Variants in CSMD1 observed in about 807,000 individuals in gnomAD.
The protein encoded by CSMD1 is CUB and sushi domain-containing protein 1.
A neutral mutation model predicts 417.5 loss-of-function variants in CSMD1; 213 were observed. The ratio of observed to expected loss-of-function variants is 0.51; its 90% CI spans 0.46 to 0.57. The LOEUF (loss-of-function observed/expected upper bound fraction) is 0.57. Among genes scored for constraint, CSMD1 ranks in the 20% least tolerant of loss-of-function variants. CSMD1 has a pLI of 0.00. For missense variants in CSMD1, 6,923 were observed against 4,529.7 expected (o/e 1.53, Z -15.17); for synonymous variants, 2,862 against 1,736.8 (o/e 1.65, Z -16.11).
chr8:3,998,023 T>C lies in CSMD1; in HGVS notation c.698A>G (p.Asp233Gly), dbSNP rs1815355046. The C allele has an allele frequency of 1.9e-6, 3 of 1,606,604 alleles. No individual in the cohort carries two copies. Among genetic ancestry groups the C allele is most frequent in the Non-Finnish European group, 2.6e-6 (3 of 1,176,200 alleles). ...HFPSEYENNA[D>G]CTWTILAEPG... ...CTCAGCCAGAATGGTCCAGGTGCAGTCCGCGTTGTTCTCGTACTCTGAAGG... is the reference window on the plus strand; with the variant it reads ...CTCAGCCAGAATGGTCCAGGTGCAGCCCGCGTTGTTCTCGTACTCTGAAGG... Residue 233 changes from aspartate (D) to glycine (G), a missense_variant, in exon 5 of 70, where the codon GAC becomes GGC. Coordinates refer to ENST00000635120, the MANE Select transcript of CSMD1 (RefSeq NM_033225.6).
At chr8:3,176,835 G>C (rs995669649) in intron 37 of CSMD1, among the ~76,000 whole-genome samples, 2 of 150,200 alleles carry the variant, frequency 1.3e-5, no homozygotes, top group Non-Finnish European at 1.5e-5. Flanking sequence ...CTAAAGTGCA[G>C]TGGTGCAATC....
At chr8:4,257,660 T>C (rs528284432) in intron 3 of CSMD1, among the ~76,000 whole-genome samples, 4 of 152,328 alleles carry the variant, frequency 2.6e-5, no homozygotes, top group African/African-American at 7.2e-5. Context: ...GGTTACAGCA[T>C]AGGTCTCAGG....
chr8:3,581,074 A>C (rs567635009), intron 9 of CSMD1, among the ~76,000 whole-genome samples: 3 of 152,186 alleles, frequency 2.0e-5, no homozygotes, highest in Non-Finnish European at 4.4e-5. Context: ...CTCAGGGAGC[A>C]ACTCAAAATA....
At chr8:3,065,807 T>C (rs1812902295) in intron 49 of CSMD1, among the ~76,000 whole-genome samples, 1 of 152,086 alleles carries the variant, frequency 6.6e-6, no homozygotes, top group South Asian at 2.1e-4. Flanking sequence ...ATCAAAAGTA[T>C]TAACAAAGCT....
intron 3 of CSMD1, among the ~76,000 whole-genome samples, chr8:4,286,722 C>G (rs75846605): frequency 1.3e-5 from 2 of 152,176 alleles, no homozygotes; most frequent in Non-Finnish European, 1.5e-5. Flanking sequence ...GCAGCTCACA[C>G]GGTAGACTCC....
At chr8:3,834,005 T>C (rs2129089312) in intron 5 of CSMD1, among the ~76,000 whole-genome samples, 1 of 152,254 alleles carries the variant, frequency 6.6e-6, no homozygotes, top group South Asian at 2.1e-4. Context: ...TTCAGGTGAA[T>C]TAAGGATTTA....
chr8:3,173,159 T>C (rs532831693), intron 37 of CSMD1, among the ~76,000 whole-genome samples: 19 of 152,332 alleles, frequency 1.2e-4, no homozygotes, highest in Non-Finnish European at 2.5e-4. Context: ...ACCTGTCCCT[T>C]ACACTGAGTA....
intron 49 of CSMD1, among the ~76,000 whole-genome samples, chr8:3,061,338 A>G (rs1410948228): frequency 6.6e-6 from 1 of 152,224 alleles, no homozygotes; most frequent in Admixed American, 6.5e-5. Flanking sequence ...TTTCCTTCAG[A>G]TTTAATGTAA....
intron 5 of CSMD1, among the ~76,000 whole-genome samples, chr8:3,951,877 A>G (rs992165715): frequency 6.6e-6 from 1 of 152,084 alleles, no homozygotes; most frequent in Non-Finnish European, 1.5e-5. Context: ...ATTAAACTAC[A>G]TAAGCTATCC....
intron 3 of CSMD1, among the ~76,000 whole-genome samples, chr8:4,288,840 A>G (rs535418399): frequency 1.6e-4 from 25 of 152,220 alleles, no homozygotes; most frequent in Admixed American, 9.8e-4. Context: ...TAAAGCACTA[A>G]TATAGGATAC....
At chr8:3,492,862 G>A (rs776923946) in intron 11 of CSMD1, among the ~76,000 whole-genome samples, 6 of 151,566 alleles carry the variant, frequency 4.0e-5, no homozygotes, top group Non-Finnish European at 7.4e-5. Context: ...ACTTTATTAC[G>A]CAGTTTTACA....
intron 23 of CSMD1, among the ~76,000 whole-genome samples, chr8:3,311,175 G>A (rs1243532553): frequency 6.6e-6 from 1 of 152,158 alleles, no homozygotes; most frequent in East Asian, 1.9e-4. Flanking sequence ...TATAGTTGTG[G>A]AAAATCATCT....
chr8:4,811,792 A>G (rs1215502317), intron 1 of CSMD1, among the ~76,000 whole-genome samples: 1 of 152,162 alleles, frequency 6.6e-6, no homozygotes, highest in African/African-American at 2.4e-5. Context: ...TATGGTTTAA[A>G]ATACCAAGTT....
intron 2 of CSMD1, among the ~76,000 whole-genome samples, chr8:4,423,894 C>A (rs954888254): frequency 2.6e-5 from 4 of 151,980 alleles, no homozygotes; most frequent in African/African-American, 9.7e-5. Flanking sequence ...TGGATCAGAA[C>A]AAAGAACCCA....
chr8:3,901,112 C>T (rs1473478474), intron 5 of CSMD1, among the ~76,000 whole-genome samples: 1 of 152,066 alleles, frequency 6.6e-6, no homozygotes, highest in Admixed American at 6.6e-5. Context: ...TGTGTGTATA[C>T]TTTTGGGGGA....
intron 15 of CSMD1, among the ~76,000 whole-genome samples, chr8:3,404,039 C>T (rs933379661): frequency 6.6e-6 from 1 of 152,122 alleles, no homozygotes; most frequent in East Asian, 1.9e-4. Context: ...GGGTGAACAT[C>T]AGAATACCCT....
intron 3 of CSMD1, among the ~76,000 whole-genome samples, chr8:4,202,104 T>C (rs1214942777): frequency 6.7e-6 from 1 of 148,700 alleles, no homozygotes; most frequent in Non-Finnish European, 1.5e-5. Flanking sequence ...TGTTTTTTTG[T>C]TAGTTTTTTT....
At chr8:3,987,789 G>T (rs982434046) in intron 5 of CSMD1, among the ~76,000 whole-genome samples, 2 of 152,166 alleles carry the variant, frequency 1.3e-5, no homozygotes, top group South Asian at 4.1e-4. Flanking sequence ...TCTGCGCCAC[G>T]TCAAGAAGCA....
chr8:4,832,254 T>C (rs1442271492), intron 1 of CSMD1, among the ~76,000 whole-genome samples: 2 of 152,126 alleles, frequency 1.3e-5, no homozygotes, highest in Non-Finnish European at 2.9e-5. Context: ...TAGCCAGTAA[T>C]GGAAGTTTGT....
Sources: gnomAD v4.1 joint callset for allele counts (sites outside exome capture counted in the v4.1 genomes callset) on GRCh38, gnomAD v4.1.1 for gene constraint, MANE v1.5 for transcripts, NCBI Gene and HGNC (gene_info 2026-07-23, HGNC 2026-07-21) for gene names.